Variants in CSAD observed in about 807,000 individuals in gnomAD.
CSAD encodes cysteine sulfinic acid decarboxylase.
In CSAD, 47 loss-of-function variants were observed where a neutral mutation model predicts 61.5. The ratio of observed to expected loss-of-function variants is 0.76; its 90% CI spans 0.60 to 0.97. The LOEUF (loss-of-function observed/expected upper bound fraction) is 0.97. Among genes scored for constraint, CSAD ranks in the 50% least tolerant of loss-of-function variants. CSAD has a pLI of 0.00. For synonymous variants in CSAD, 245 were observed against 252.7 expected (o/e 0.97, Z 0.29); for missense variants, 611 against 643.6 (o/e 0.95, Z 0.55).
chr12:53,163,379 T>A (rs2121427383), intron 10 of CSAD, among the ~76,000 whole-genome samples: 1 of 152,270 alleles, frequency 6.6e-6, no homozygotes, highest in South Asian at 2.1e-4. Context: ...CTCCATTTTT[T>A]TTAAGTTAAA....
Position 53,173,897 on chromosome 12 carries a change from C to A in CSAD, c.-49-127G>T, listed in dbSNP as rs376259538. ...ATCTAACGCCAGAACATTTTCATCA[C>A]CCAAAAAAAAACCTCAGTAGCAGTC... is the stretch of plus-strand genomic sequence containing the variant. On this transcript the variant is annotated intron_variant, in intron 2 of 16. Coordinates refer to ENST00000444623, the MANE Select transcript of CSAD (RefSeq NM_001244705.2). The A allele has an allele frequency of 3.1e-4, 294 of 947,338 alleles. No homozygotes were observed. In the African/African-American group the frequency reaches 4.2e-3, roughly 14 times the overall value. 58.7% of individuals were successfully genotyped at this position (947,338 alleles called of 1,614,324 possible).
chr12:53,158,468 G>A lies in CSAD; in HGVS notation c.*43C>T, dbSNP rs775162511. ...CTGGGAGGGAATGCAGTGACTCTGC[G>A]GGTGAGGGGTGGTATCAAGGCCGGC... On this transcript the variant is annotated 3_prime_UTR_variant, in exon 17 of 17. Transcript: ENST00000444623. 1.3e-5 allele frequency: 20 copies of A among 1,587,162 alleles called. No individual in the cohort carries two copies. The Admixed American group carries it at 1.5e-4, about 12-fold the overall frequency.
intron 16 of CSAD, 61 bp from the exon 17 acceptor site, chr12:53,158,745 T>G: frequency 6.5e-7 from 1 of 1,527,510 alleles, no homozygotes. Context: ...GTAGGCTGGC[T>G]TCTTGTCCTG....
In CSAD at chr12:53,161,540, C is replaced by G. The variant is rs1037253604; in HGVS notation, c.703-151G>C. On this transcript the variant is annotated intron_variant, in intron 10 of 16. Transcript: ENST00000444623. ...TGTTACTGTCCTTTTTAATGTGCAG[C>G]CAGGGACACTGAGATTCAAAGATCC... 10 of 624,714 alleles carry G rather than the reference C, an allele frequency of 1.6e-5. No homozygotes were observed. The Admixed American group carries it at 1.7e-4, about 11-fold the overall frequency. 38.7% of individuals were successfully genotyped at this position (624,714 alleles called of 1,614,324 possible).
chr12:53,160,316 G>A lies in CSAD; in HGVS notation c.970C>T (p.Leu324=), dbSNP rs1367885731. ...TGGGACCCATGGCAGCGCTTGAGCA[G>A]GTTCTGTGTGGGGGTGAGGAGATTG... ...SALLLQDTSN[L]LKRCHGSQAS... Residue 324 remains leucine, a synonymous_variant, in exon 14 of 17, where the codon CTG becomes TTG. Transcript: ENST00000444623. 6.2e-7 allele frequency: 1 copy of A among 1,614,042 alleles called. No homozygotes were observed. The highest frequency in any genetic ancestry group is 1.3e-5 in the African/African-American group (1 of 74,940).
chr12:53,177,013 G>A (rs950675553), intron 2 of CSAD, among the ~76,000 whole-genome samples: 1 of 152,118 alleles, frequency 6.6e-6, no homozygotes, highest in Non-Finnish European at 1.5e-5. Context: ...TTACAGGTGT[G>A]AGCCACCTCG....
At position 53,158,333 on chromosome 12, in the gene CSAD, A is replaced by C. The variant is rs185592486; in HGVS notation, c.*178T>G. 149 of 519,628 alleles carry C rather than the reference A, an allele frequency of 2.9e-4. No homozygotes were observed. The highest frequency in any genetic ancestry group is 2.7e-3 in the African/African-American group (138 of 50,928). 32.2% of individuals were successfully genotyped at this position (519,628 alleles called of 1,614,324 possible). On this transcript the variant is annotated 3_prime_UTR_variant, in exon 17 of 17. Transcript: ENST00000444623. ...GTATTTTTAGTAGAGACAGGGTTTCACCTTATTGGCCAGGCTGGTCTCGAA... is the reference window on the plus strand; with the variant it reads ...GTATTTTTAGTAGAGACAGGGTTTCCCCTTATTGGCCAGGCTGGTCTCGAA...
rs1939021975 is a variant in CSAD at position 53,159,684 on chromosome 12, A to C, written c.1247T>G (p.Phe416Cys). ...CTTCCCTCGCAGGCTGGGGGGTACG[A>C]ACCAGAAACACACATTGACAAACTC... ...EPEFVNVCFW[F>C]VPPSLRGKQE... The change falls in exon 16 of 17, where the codon TTC (phenylalanine) becomes TGC (cysteine). Residue 416 changes from phenylalanine (F) to cysteine (C), a missense_variant. By Grantham distance (205) the Phe-to-Cys change is radical. Coordinates refer to ENST00000444623, the MANE Select transcript of CSAD (RefSeq NM_001244705.2). 2 of 1,611,256 alleles carry C rather than the reference A, an allele frequency of 1.2e-6. No homozygotes were observed. Among genetic ancestry groups the C allele is most frequent in the Non-Finnish European group, 1.7e-6 (2 of 1,178,762 alleles).
In CSAD at chr12:53,172,438, T is replaced by C. The variant is rs71455241; in HGVS notation, c.254-2A>G. ...GCTGGTTGAAGAACCGAGGGTGACC[T>C]GGAGAAGGAGAGTAAGCCAGGGAGC... is the stretch of plus-strand genomic sequence containing the variant. On this transcript the variant is annotated splice_acceptor_variant, in intron 5 of 16. Transcript: ENST00000444623. LOFTEE classifies it high-confidence loss of function. 895 of 1,614,002 alleles carry C rather than the reference T, an allele frequency of 5.5e-4. 1 individual carries two copies. The highest frequency in any genetic ancestry group is 7.4e-4 in the Non-Finnish European group (874 of 1,180,042).
chr12:53,171,114 G>A (rs771507254), intron 8 of CSAD: 1 of 711,728 alleles, frequency 1.4e-6, no homozygotes. Flanking sequence ...TGTGTCCACT[G>A]CACTCACGGC....
chr12:53,162,250 G>A (rs1333644778), intron 10 of CSAD, among the ~76,000 whole-genome samples: 1 of 151,084 alleles, frequency 6.6e-6, no homozygotes, highest in Non-Finnish European at 1.5e-5. Flanking sequence ...TCCAGCCTGG[G>A]CAAAAGAGCA....
intron 10 of CSAD, among the ~76,000 whole-genome samples, chr12:53,167,871 C>T (rs1040617933): frequency 2.0e-5 from 3 of 152,274 alleles, no homozygotes; most frequent in East Asian, 1.9e-4. Context: ...AATTCCACTC[C>T]TAGGTATATA....
intron 14 of CSAD, 37 bp downstream of exon 14, chr12:53,160,082 AG>A (rs1939095643): frequency 5.6e-6 from 9 of 1,608,696 alleles, no homozygotes; most frequent in Non-Finnish European, 7.6e-6. Context: ...GACCCAGGAG[AG>A]GGGAACAGGG....
intron 1 of CSAD, 160 bp downstream of exon 1, chr12:53,180,572 T>G (rs984607078): frequency 3.9e-6 from 5 of 1,284,588 alleles, no homozygotes; most frequent in East Asian, 5.8e-5. Flanking sequence ...CTCACCCAGC[T>G]GCACCTCTCC....
chr12:53,181,220 C>T (rs1362148251), upstream of CSAD: 1 of 985,334 alleles, frequency 1.0e-6, no homozygotes, highest in Non-Finnish European at 1.2e-6. Flanking sequence ...CAGCAAGTTT[C>T]CCTACCTTCG....
intron 16 of CSAD, 86 bp from the exon 17 acceptor site, chr12:53,158,770 G>A (rs925119683): frequency 9.6e-6 from 13 of 1,350,322 alleles, no homozygotes; most frequent in South Asian, 4.0e-5. Context: ...GCTTCCAGAG[G>A]TGCTTTTCCT....
intron 2 of CSAD, among the ~76,000 whole-genome samples, chr12:53,177,397 T>C (rs1016282170): frequency 2.6e-5 from 4 of 152,216 alleles, no homozygotes; most frequent in African/African-American, 9.6e-5. Flanking sequence ...CGACAAAGAA[T>C]AGTTATTATC....
chr12:53,161,396 C>T lies in CSAD; in HGVS notation c.703-7G>A. ...CCAGGAACGGCACAGCACCCTGTTG[C>T]CAAAATGTAGAGGGAGAAAGATGTA... On this transcript the variant is annotated splice_polypyrimidine_tract_variant and splice_region_variant and intron_variant, in intron 10 of 16. Coordinates refer to ENST00000444623, the MANE Select transcript of CSAD (RefSeq NM_001244705.2). 1 of 1,606,864 alleles carries T rather than the reference C, an allele frequency of 6.2e-7. No homozygotes were observed. Among genetic ancestry groups the T allele is most frequent in the African/African-American group, 1.3e-5 (1 of 74,874 alleles).
intron 10 of CSAD, among the ~76,000 whole-genome samples, chr12:53,168,088 C>T (rs1366440238): frequency 6.6e-6 from 1 of 152,094 alleles, no homozygotes; most frequent in Non-Finnish European, 1.5e-5. Flanking sequence ...TTGGATGAAC[C>T]TTGAAGACAT....
Sources: gnomAD v4.1 joint callset for allele counts (sites outside exome capture counted in the v4.1 genomes callset) on GRCh38, gnomAD v4.1.1 for gene constraint, MANE v1.5 for transcripts, NCBI Gene and HGNC (gene_info 2026-07-23, HGNC 2026-07-21) for gene names.